Variants in PPFIA2 observed in about 807,000 individuals in gnomAD.
PPFIA2 encodes the protein PPFI scaffold protein A2, also known as liprin-alpha-2.
In PPFIA2, 46 loss-of-function variants were observed where a neutral mutation model predicts 175.5. The observed-to-expected ratio is 0.26, with a 90% CI of 0.21 to 0.34. PPFIA2 has a LOEUF of 0.34. Among genes scored for constraint, PPFIA2 ranks in the 10% least tolerant of loss-of-function variants. PPFIA2 has a pLI of 1.00. For missense variants in PPFIA2, 1,179 were observed against 1,506.1 expected, an observed-to-expected ratio of 0.78 and a Z score of 3.60; for synonymous variants, 568 against 511.4, an observed-to-expected ratio of 1.11 and a Z score of -1.49.
chr12:81,679,785 C>T (rs1567837801), intron 3 of PPFIA2, among the ~76,000 whole-genome samples: 1 of 151,842 alleles, frequency 6.6e-6, no homozygotes, highest in African/African-American at 2.4e-5. Context: ...GGAGAGAGGT[C>T]CAAGTTAAAC....
intron 11 of PPFIA2, among the ~76,000 whole-genome samples, chr12:81,372,809 T>C (rs1465044628): frequency 2.6e-5 from 4 of 151,526 alleles, no homozygotes; most frequent in Non-Finnish European, 5.9e-5. Flanking sequence ...GGAGAGTGAA[T>C]CAGAGCATTT....
At chr12:81,310,832 A>C (rs1428454565) in intron 22 of PPFIA2, among the ~76,000 whole-genome samples, 1 of 152,164 alleles carries the variant, frequency 6.6e-6, no homozygotes, top group East Asian at 1.9e-4. Context: ...CATTTTGGCA[A>C]TGGCAACTGT....
intron 4 of PPFIA2, among the ~76,000 whole-genome samples, chr12:81,632,624 C>G (rs2063518309): frequency 6.6e-6 from 1 of 152,158 alleles, no homozygotes; most frequent in South Asian, 2.1e-4. Context: ...TTCCAATTCT[C>G]TTGCTGTATC....
intron 4 of PPFIA2, among the ~76,000 whole-genome samples, chr12:81,518,929 G>A (rs1160577168): frequency 1.3e-5 from 2 of 152,046 alleles, no homozygotes; most frequent in African/African-American, 2.4e-5. Flanking sequence ...GAATAAATGA[G>A]TCATATAGAA....
intron 21 of PPFIA2, among the ~76,000 whole-genome samples, chr12:81,334,644 CAGATA>C (rs1346566826): frequency 6.6e-6 from 1 of 152,132 alleles, no homozygotes; most frequent in Non-Finnish European, 1.5e-5. Context: ...CTATTCACAT[CAGATA>C]AATCTTCATT....
rs368453515 is a variant in PPFIA2 at position 81,268,953 on chromosome 12, C to T, written c.3311-866G>A. ...CTTACCTTAGTATTATATTTCAATG[C>T]ATTTTTCCCAATCACATGCTAATGC... On this transcript the variant is annotated intron_variant, in intron 28 of 32. Transcript: ENST00000549396. 2.2e-4 allele frequency among the ~76,000 whole-genome samples: 33 copies of T among 152,300 alleles called. No homozygotes were observed. The East Asian group carries it at 5.6e-3, about 26-fold the overall frequency.
At chr12:81,538,873 A>C (rs578258320) in intron 4 of PPFIA2, among the ~76,000 whole-genome samples, 2 of 151,976 alleles carry the variant, frequency 1.3e-5, no homozygotes, top group Non-Finnish European at 2.9e-5. Context: ...TAATAACAAA[A>C]ACTGAGTTTT....
At chr12:81,595,936 A>G (rs2059198362) in intron 4 of PPFIA2, among the ~76,000 whole-genome samples, 1 of 152,198 alleles carries the variant, frequency 6.6e-6, no homozygotes, top group African/African-American at 2.4e-5. Flanking sequence ...AAGCATTAAA[A>G]TCCCAACTCC....
intron 3 of PPFIA2, among the ~76,000 whole-genome samples, chr12:81,743,352 G>A (rs2082568465): frequency 7.2e-6 from 1 of 139,296 alleles, no homozygotes; most frequent in South Asian, 2.4e-4. Flanking sequence ...GGGAGGTGGA[G>A]GTTGCAGTGA....
chr12:81,562,151 T>C (rs2070239679), intron 4 of PPFIA2, among the ~76,000 whole-genome samples: 1 of 152,196 alleles, frequency 6.6e-6, no homozygotes, highest in Non-Finnish European at 1.5e-5. Flanking sequence ...ACAGATTGTC[T>C]GTTGCTAAGC....
intron 4 of PPFIA2, among the ~76,000 whole-genome samples, chr12:81,629,311 C>A (rs761598800): frequency 6.6e-6 from 1 of 151,958 alleles, no homozygotes; most frequent in African/African-American, 2.4e-5. Context: ...ATTTTTGGTA[C>A]GAAAAGCCTT....
At chr12:81,408,967 G>A (rs942661948) in intron 7 of PPFIA2, among the ~76,000 whole-genome samples, 6 of 152,172 alleles carry the variant, frequency 3.9e-5, no homozygotes, top group Non-Finnish European at 5.9e-5. Context: ...GGGAAAGGGG[G>A]AAAGTTTGTA....
intron 21 of PPFIA2, among the ~76,000 whole-genome samples, chr12:81,326,204 C>G (rs544673217): frequency 3.3e-4 from 50 of 152,202 alleles, no homozygotes; most frequent in African/African-American, 1.1e-3. Context: ...AAAATAAGAG[C>G]AAATATCTAT....
intron 4 of PPFIA2, chr12:81,675,351 C>T (rs999504180): frequency 1.3e-5 from 2 of 151,872 alleles, no homozygotes; most frequent in African/African-American, 4.8e-5. Flanking sequence ...TATTTTCTCC[C>T]TGCAAAAGGA....
Position 81,497,085 on chromosome 12 carries a change from T to C in PPFIA2, c.304-39219A>G, listed in dbSNP as rs187128775. Among the ~76,000 whole-genome samples, 703 of 152,292 alleles carry C rather than the reference T, an allele frequency of 4.6e-3. 5 individuals are homozygous for C. Among genetic ancestry groups the C allele is most frequent in the Admixed American group, 8.8e-3 (135 of 15,298 alleles). ...TTCCCAAATAATAAAGGTCAACATA[T>C]ATGTCCTAACTCATGCTTGGTTCTT... On this transcript the variant is annotated intron_variant, in intron 4 of 32. Coordinates refer to ENST00000549396, the MANE Select transcript of PPFIA2 (RefSeq NM_003625.5).
At chr12:81,609,631 C>G (rs562628806) in intron 4 of PPFIA2, among the ~76,000 whole-genome samples, 1 of 152,046 alleles carries the variant, frequency 6.6e-6, no homozygotes, top group Non-Finnish European at 1.5e-5. Context: ...CATGGTAGAT[C>G]TTTCCTTATT....
rs1489232487 is a variant in PPFIA2, at chr12:81,749,850, T to C, written c.249+4123A>G. 2.1e-5 allele frequency among the ~76,000 whole-genome samples: 3 copies of C among 144,246 alleles called. 1 individual carries two copies. Among genetic ancestry groups the C allele is most frequent in the African/African-American group, 7.3e-5 (3 of 41,062 alleles). The allele number at this position is 144,246 out of a possible 152,430, so 94.6% of individuals were successfully genotyped here. A position where few individuals can be genotyped will look rare whatever the true frequency, so the allele number is the denominator to read the frequency against. On this transcript the variant is annotated intron_variant, in intron 3 of 32. Transcript: ENST00000549396. ...ATGTGTAGTTGGGTCACAGTACAAA[T>C]CTGATCTTCCTATTTCAAGTTTATT...
At chr12:81,629,311 C>G (rs761598800) in intron 4 of PPFIA2, among the ~76,000 whole-genome samples, 1 of 151,958 alleles carries the variant, frequency 6.6e-6, no homozygotes, top group South Asian at 2.1e-4. Context: ...ATTTTTGGTA[C>G]GAAAAGCCTT....
At chr12:81,710,529 TTTG>T (rs1416778958) in intron 3 of PPFIA2, among the ~76,000 whole-genome samples, 3 of 152,070 alleles carry the variant, frequency 2.0e-5, no homozygotes, top group Non-Finnish European at 4.4e-5. Flanking sequence ...ATAAATATAG[TTTG>T]AGTATTTCTT....
Sources: gnomAD v4.1 joint callset for allele counts (sites outside exome capture counted in the v4.1 genomes callset) on GRCh38, gnomAD v4.1.1 for gene constraint, MANE v1.5 for transcripts, NCBI Gene and HGNC (gene_info 2026-07-23, HGNC 2026-07-21) for gene names.